Variants in COLGALT2 observed in about 807,000 individuals in gnomAD.
COLGALT2 encodes the protein procollagen galactosyltransferase 2.
Under a neutral mutation model 73.4 loss-of-function variants are expected in COLGALT2, and 49 were observed. The observed-to-expected ratio is 0.67, with a 90% CI of 0.53 to 0.85. The LOEUF (loss-of-function observed/expected upper bound fraction) is 0.85. Among genes scored for constraint, COLGALT2 ranks in the 40% least tolerant of loss-of-function variants. COLGALT2 has a pLI of 0.00. For synonymous variants in COLGALT2, 295 were observed against 307.6 expected (o/e 0.96, Z 0.43); for missense variants, 722 against 790.2 (o/e 0.91, Z 1.03).
intron 1 of COLGALT2, among the ~76,000 whole-genome samples, chr1:183,991,669 T>C (rs371046175): frequency 1.3e-5 from 2 of 152,220 alleles, no homozygotes; most frequent in South Asian, 2.1e-4. Flanking sequence ...ATCACTTCAT[T>C]TGTGGTTCCT....
intron 1 of COLGALT2, among the ~76,000 whole-genome samples, chr1:184,001,910 G>T (rs958183680): frequency 2.0e-5 from 3 of 152,210 alleles, no homozygotes; most frequent in African/African-American, 7.2e-5. Flanking sequence ...TATCCCACAG[G>T]TCTAAAAGTC....
chr1:183,991,804 C>G (rs1297798919), intron 1 of COLGALT2, among the ~76,000 whole-genome samples: 3 of 151,942 alleles, frequency 2.0e-5, no homozygotes, highest in Non-Finnish European at 4.4e-5. Context: ...TTTGAGGAGT[C>G]TTGAGTTATT....
intron 1 of COLGALT2, among the ~76,000 whole-genome samples, chr1:184,012,021 C>T (rs538422604): frequency 6.6e-6 from 1 of 152,256 alleles, no homozygotes; most frequent in East Asian, 1.9e-4. Flanking sequence ...TTTGTCCTTT[C>T]TCATGCCTGT....
chr1:183,935,205 C>G (rs1669924022), downstream of COLGALT2, among the ~76,000 whole-genome samples: 1 of 152,218 alleles, frequency 6.6e-6, no homozygotes, highest in African/African-American at 2.4e-5. Context: ...CCTGACAGTC[C>G]TCCTCTGCCC....
intron 5 of COLGALT2, chr1:183,964,292 A>G (rs1049138481): frequency 1.9e-5 from 8 of 415,436 alleles, no homozygotes; most frequent in Non-Finnish European, 3.4e-5. Flanking sequence ...ATGGCCTGGA[A>G]TGAACAAAAA....
chr1:183,955,114 G>C (rs1670516990), intron 6 of COLGALT2, among the ~76,000 whole-genome samples: 2 of 152,298 alleles, frequency 1.3e-5, no homozygotes, highest in South Asian at 4.1e-4. Context: ...TAGGATAATG[G>C]TTAAGAGGAA....
At position 183,938,996 on chromosome 1, in the gene COLGALT2, G is replaced by A. The variant is rs1303302714; in HGVS notation, c.1646C>T (p.Ala549Val). Residue 549 changes from alanine to valine, a missense_variant, in exon 12 of 12, where the codon GCC becomes GTC. By Grantham distance (64) the Ala-to-Val change is moderately conservative. Transcript: ENST00000361927. ...KEYYESRDLKAFSAEPLLIYP... is the reference protein window; with the variant it reads ...KEYYESRDLKVFSAEPLLIYP... ...GATGAGCAAGGGTTCTGCAGAGAAG[G>A]CTTTCAGGTCCCTGGATTCATAATA... 5 of 1,614,114 alleles carry A rather than the reference G, an allele frequency of 3.1e-6. No homozygotes were observed. The highest frequency in any genetic ancestry group is 4.2e-6 in the Non-Finnish European group (5 of 1,179,992).
chr1:183,932,284 T>A (rs1322653573), downstream of COLGALT2, among the ~76,000 whole-genome samples: 4 of 152,174 alleles, frequency 2.6e-5, no homozygotes, highest in Non-Finnish European at 5.9e-5. Flanking sequence ...TTCCCTTAGC[T>A]CTTTGCCTTA....
intron 4 of COLGALT2, among the ~76,000 whole-genome samples, chr1:183,972,560 A>C (rs145719900): frequency 6.6e-6 from 1 of 151,348 alleles, no homozygotes; most frequent in South Asian, 2.1e-4. Context: ...TTACTATGAA[A>C]AAAAGAAATA....
At chr1:184,019,923 G>A (rs760069503) in intron 1 of COLGALT2, among the ~76,000 whole-genome samples, 11 of 152,320 alleles carry the variant, frequency 7.2e-5, no homozygotes, top group Admixed American at 1.3e-4. Context: ...CTAAAACGCA[G>A]TGATGCATGC....
chr1:183,997,519 T>A (rs1671802077), intron 1 of COLGALT2, among the ~76,000 whole-genome samples: 1 of 152,180 alleles, frequency 6.6e-6, no homozygotes, highest in African/African-American at 2.4e-5. Context: ...GAAGAAGAAT[T>A]GTCTTGGGCT....
intron 8 of COLGALT2, among the ~76,000 whole-genome samples, chr1:183,947,980 TA>T (rs1327035037): frequency 1.3e-5 from 2 of 152,012 alleles, no homozygotes; most frequent in Non-Finnish European, 2.9e-5. Context: ...GGCAACAAAT[TA>T]GATAACCTAG....
intron 1 of COLGALT2, among the ~76,000 whole-genome samples, chr1:183,979,648 A>G (rs1671296247): frequency 2.0e-5 from 3 of 152,152 alleles, no homozygotes; most frequent in African/African-American, 7.2e-5. Context: ...TTTATTTACA[A>G]AAACAGGCAG....
At chr1:184,005,113 G>A (rs1672036433) in intron 1 of COLGALT2, among the ~76,000 whole-genome samples, 2 of 152,190 alleles carry the variant, frequency 1.3e-5, no homozygotes, top group South Asian at 4.1e-4. Flanking sequence ...GCCTCAGCCT[G>A]CCTGGAACCA....
At chr1:183,959,515 A>T (rs763187386) in intron 6 of COLGALT2, among the ~76,000 whole-genome samples, 4 of 152,158 alleles carry the variant, frequency 2.6e-5, no homozygotes, top group Non-Finnish European at 5.9e-5. Context: ...CATGGACTGC[A>T]TTCAGGTCTC....
chr1:183,964,580 A>G (rs1381351528), intron 5 of COLGALT2: 1 of 152,600 alleles, frequency 6.6e-6, no homozygotes, highest in Non-Finnish European at 1.5e-5. Context: ...GGAGCCAACC[A>G]ACAGACATGA....
rs544024006 is a variant in COLGALT2, at chr1:183,952,475, T to C, written c.1030-1362A>G. Reference sequence around the variant, plus strand: ...TTATAATAAAGTTGGCTTTCTGCTATGGCCAGAATAAAGGAGAAACTTTGT... The same window carrying C: ...TTATAATAAAGTTGGCTTTCTGCTACGGCCAGAATAAAGGAGAAACTTTGT... On this transcript the variant is annotated intron_variant, in intron 7 of 11. Transcript: ENST00000361927. Among the ~76,000 whole-genome samples the C allele has an allele frequency of 5.8e-4, 89 of 152,358 alleles. 1 individual carries two copies. The highest frequency in any genetic ancestry group is 2.1e-3 in the African/African-American group (87 of 41,598).
chr1:183,965,793 T>TTAAC (rs3032462), intron 5 of COLGALT2, among the ~76,000 whole-genome samples: 1,028 of 92,964 alleles, frequency 0.011, 9 homozygotes, highest in South Asian at 0.048. Context: ...CTCCAAAGAA[T>TTAAC]GGCAAAGGAA....
rs80032734 is a variant in COLGALT2, at chr1:183,997,023, A to G, written c.264-18503T>C. Among the ~76,000 whole-genome samples the G allele has an allele frequency of 1.0e-2, 1,523 of 152,318 alleles. 26 individuals are homozygous for G. The highest frequency in any genetic ancestry group is 0.034 in the African/African-American group (1,414 of 41,548). ...GACAAATGAATAAATGAATAAACAA[A>G]TTCATGGCGTGGATCAGGGGCAGGC... On this transcript the variant is annotated intron_variant, in intron 1 of 11. Coordinates refer to ENST00000361927, the MANE Select transcript of COLGALT2 (RefSeq NM_015101.4).
Sources: gnomAD v4.1 joint callset for allele counts (sites outside exome capture counted in the v4.1 genomes callset) on GRCh38, gnomAD v4.1.1 for gene constraint, MANE v1.5 for transcripts, NCBI Gene and HGNC (gene_info 2026-07-23, HGNC 2026-07-21) for gene names.